SLC38A1: variants seen among roughly 807,000 people sequenced by gnomAD.
The protein encoded by SLC38A1 is sodium-coupled neutral amino acid symporter 1.
SLC38A1 carries 18 observed loss-of-function variants against 60.3 expected under a neutral mutation model. The observed-to-expected ratio is 0.30, with a 90% confidence interval of 0.21 to 0.44. The LOEUF (loss-of-function observed/expected upper bound fraction) is 0.44, where lower values mean the gene tolerates loss of function less well. SLC38A1 is among the 20% of genes least tolerant of loss of function. The probability of loss-of-function intolerance (pLI) is 1.00; values close to 1 mark genes in which losing one functional copy is unlikely to be tolerated. For missense variants in SLC38A1, 448 were observed against 587.2 expected (o/e 0.76, Z 2.45); for synonymous variants, 196 against 212.1 (o/e 0.92, Z 0.66).
chr12:46,213,940 G>T (rs1565765982), intron 5 of SLC38A1, among the ~76,000 whole-genome samples: 2 of 152,182 alleles, frequency 1.3e-5, no homozygotes, highest in Admixed American at 1.3e-4. Flanking sequence ...CAAGTTATGT[G>T]AGACTATGCC....
At chr12:46,200,473 G>T (rs1236361119) in intron 13 of SLC38A1, among the ~76,000 whole-genome samples, 3 of 151,898 alleles carry the variant, frequency 2.0e-5, no homozygotes, top group Admixed American at 1.3e-4. Context: ...TAAAGATAAT[G>T]AAAGATATTA....
rs12367176 is a variant in SLC38A1, at chr12:46,227,383, C to T, written c.314+1770G>A. ...GCAAAGAAGAGAGGTAGAGGAAATCCTCAGAAGGGTGATCAAGAGAGATTC... is the reference window on the plus strand; with the variant it reads ...GCAAAGAAGAGAGGTAGAGGAAATCTTCAGAAGGGTGATCAAGAGAGATTC... On this transcript the variant is annotated intron_variant, in intron 5 of 16. Coordinates refer to ENST00000398637, the MANE Select transcript of SLC38A1 (RefSeq NM_030674.4). Among the ~76,000 whole-genome samples, 401 of 152,194 alleles carry T rather than the reference C, an allele frequency of 2.6e-3. 2 individuals carry two copies. The highest frequency in any genetic ancestry group is 4.1e-3 in the South Asian group (20 of 4,824).
chr12:46,242,235 A>C (rs1941470883), intron 2 of SLC38A1, among the ~76,000 whole-genome samples: 1 of 152,182 alleles, frequency 6.6e-6, no homozygotes, highest in Admixed American at 6.5e-5. Flanking sequence ...CCTCTCTGAA[A>C]CCTAACTTGT....
Position 46,239,686 on chromosome 12 carries a change from T to G in SLC38A1, c.115A>C (p.Ile39Leu), listed in dbSNP as rs1011669499. Reference sequence around the variant, plus strand: ...TAGTGGAAAAATACTCACCTATTTATCTGACCATTTTCTACTTCGGTGAAA... The same window carrying G: ...TAGTGGAAAAATACTCACCTATTTAGCTGACCATTTTCTACTTCGGTGAAA... ...NDFTEVENGQ[I>L]NSKFISDRES... The change falls in exon 3 of 17, where the codon ATA (isoleucine) becomes CTA (leucine). Residue 39 changes from isoleucine (I) to leucine (L), a missense_variant. Coordinates refer to ENST00000398637, the MANE Select transcript of SLC38A1 (RefSeq NM_030674.4). 3 of 1,613,644 alleles carry G rather than the reference T, an allele frequency of 1.9e-6. No homozygotes were observed. In the African/African-American group the frequency reaches 4.0e-5, roughly 22 times the overall value.
intron 3 of SLC38A1, among the ~76,000 whole-genome samples, chr12:46,231,099 C>T (rs909744254): frequency 8.4e-5 from 12 of 142,216 alleles, no homozygotes; most frequent in Non-Finnish European, 1.9e-4. Context: ...TAGATGTATA[C>T]CACGGAATAC....
intron 5 of SLC38A1, among the ~76,000 whole-genome samples, chr12:46,215,463 G>A (rs1172654627): frequency 1.3e-5 from 2 of 151,984 alleles, no homozygotes; most frequent in Non-Finnish European, 1.5e-5. Flanking sequence ...CCAGGCTGGA[G>A]TGCAGTGGCA....
intron 5 of SLC38A1, 53 bp downstream of exon 5, chr12:46,229,100 A>T: frequency 1.0e-6 from 1 of 1,003,882 alleles, no homozygotes; most frequent in Non-Finnish European, 1.5e-6. Context: ...AATAACAGAA[A>T]CATACAAAAA....
intron 5 of SLC38A1, among the ~76,000 whole-genome samples, chr12:46,214,504 T>C (rs1480112109): frequency 1.3e-5 from 2 of 152,232 alleles, no homozygotes; most frequent in Admixed American, 1.3e-4. Flanking sequence ...AAAAGTACCA[T>C]ATGCTAATAA....
Position 46,245,742 on chromosome 12 carries a change from C to T in SLC38A1, c.-208-2428G>A, listed in dbSNP as rs1941593901. ...CCAACCTGGGTAACAGAGTGAGACC[C>T]TGTCTCAAAAAATAAATAAAAGTAA... is the stretch of plus-strand genomic sequence containing the variant. On this transcript the variant is annotated intron_variant, in intron 1 of 16. Coordinates refer to ENST00000398637, the MANE Select transcript of SLC38A1 (RefSeq NM_030674.4). 4.6e-5 allele frequency among the ~76,000 whole-genome samples: 7 copies of T among 152,216 alleles called. No homozygotes were observed. The South Asian group carries it at 1.5e-3, about 32-fold the overall frequency.
intron 3 of SLC38A1, among the ~76,000 whole-genome samples, chr12:46,237,996 A>G (rs942936807): frequency 1.1e-4 from 16 of 151,880 alleles, no homozygotes; most frequent in African/African-American, 3.9e-4. Flanking sequence ...AGGGTAGAGT[A>G]AAAATACACA....
intron 3 of SLC38A1, among the ~76,000 whole-genome samples, chr12:46,229,848 C>T (rs946037935): frequency 6.6e-6 from 1 of 152,134 alleles, no homozygotes; most frequent in Non-Finnish European, 1.5e-5. Context: ...ACCAAATAAA[C>T]TATAAGTGCC....
intron 3 of SLC38A1, among the ~76,000 whole-genome samples, chr12:46,230,992 G>T (rs1031028214): frequency 1.3e-5 from 2 of 152,084 alleles, no homozygotes; most frequent in African/African-American, 4.8e-5. Context: ...AAAAATACCT[G>T]CATTCATATA....
chr12:46,244,994 AT>A (rs1315262579), intron 1 of SLC38A1, among the ~76,000 whole-genome samples: 1 of 152,096 alleles, frequency 6.6e-6, no homozygotes, highest in African/African-American at 2.4e-5. Flanking sequence ...GTCTTGTTAG[AT>A]TTTTTTATGC....
At chr12:46,194,991 C>T (rs1468621629) in intron 16 of SLC38A1, among the ~76,000 whole-genome samples, 7 of 152,152 alleles carry the variant, frequency 4.6e-5, no homozygotes, top group African/African-American at 1.4e-4. Context: ...CAAGGAGCTG[C>T]GATCCTTTGG....
Position 46,234,669 on chromosome 12 carries a change from G to A in SLC38A1, c.122+5010C>T, listed in dbSNP as rs113709882. 5.1e-3 allele frequency among the ~76,000 whole-genome samples: 779 copies of A among 151,966 alleles called. 4 individuals are homozygous for A. Among genetic ancestry groups the A allele is most frequent in the African/African-American group, 0.018 (749 of 41,462 alleles). On this transcript the variant is annotated intron_variant, in intron 3 of 16. Transcript: ENST00000398637. ...TCACCGTGTTAGCCAGGATGGTATCGATCTCCTGACCTCGTGATCCGCCCG... is the reference window on the plus strand; with the variant it reads ...TCACCGTGTTAGCCAGGATGGTATCAATCTCCTGACCTCGTGATCCGCCCG...
chr12:46,229,283 A>C lies in SLC38A1; in HGVS notation c.199-15T>G, dbSNP rs1469408391. On this transcript the variant is annotated splice_polypyrimidine_tract_variant and intron_variant, in intron 4 of 16. Transcript: ENST00000398637. ...GTACCTGGAATCTGAACAAAGAAAC[A>C]AACATTGACACTAAGCAAAATAATC... 1 of 1,539,592 alleles carries C rather than the reference A, an allele frequency of 6.5e-7. No individual in the cohort carries two copies. Among genetic ancestry groups the C allele is most frequent in the Admixed American group, 1.7e-5 (1 of 59,292 alleles).
rs1939026293 is a variant in SLC38A1, at chr12:46,188,880, G to A, written c.*90C>T. The A allele has an allele frequency of 9.0e-7, 1 of 1,112,456 alleles. No individual in the cohort carries two copies. Among genetic ancestry groups the A allele is most frequent in the South Asian group, 1.3e-5 (1 of 77,810 alleles). The allele number at this position is 1,112,456 out of a possible 1,614,324, so 68.9% of individuals were successfully genotyped here. On this transcript the variant is annotated 3_prime_UTR_variant, in exon 17 of 17. Coordinates refer to ENST00000398637, the MANE Select transcript of SLC38A1 (RefSeq NM_030674.4). ...ATCCTGTACATTTCTGTTTGCTTCT[G>A]TAAACTTGCAAAAGAAGTGGTGAGA...
intron 3 of SLC38A1, among the ~76,000 whole-genome samples, chr12:46,238,105 T>A (rs1456160809): frequency 6.6e-6 from 1 of 151,826 alleles, no homozygotes; most frequent in Admixed American, 6.6e-5. Flanking sequence ...TTTTTCTCAC[T>A]TGCAGAAGAA....
chr12:46,189,312 T>C (rs75908904), intron 16 of SLC38A1, among the ~76,000 whole-genome samples: 1,911 of 152,216 alleles, frequency 0.013, 55 homozygotes, highest in African/African-American at 0.044. Context: ...TGTCCCATTC[T>C]TTGACTTCAT....
Sources: allele counts gnomAD v4.1 joint callset (sites outside exome capture counted in the v4.1 genomes callset), GRCh38; gene constraint gnomAD v4.1.1; transcripts MANE v1.5; gene names NCBI Gene and HGNC (gene_info 2026-07-23, HGNC 2026-07-21).